GLUD1: variants seen among roughly 807,000 people sequenced by gnomAD.
GLUD1 encodes glutamate dehydrogenase 1, mitochondrial.
Under a neutral mutation model 56.0 loss-of-function variants are expected in GLUD1, and 22 were observed. That is an observed-to-expected ratio of 0.39 (90% CI 0.28 to 0.56). The LOEUF (loss-of-function observed/expected upper bound fraction) is 0.56. Among genes scored for constraint, GLUD1 ranks in the 20% least tolerant of loss-of-function variants. The pLI, the probability that GLUD1 is intolerant of heterozygous loss-of-function variation, is 0.58. For synonymous variants in GLUD1, 223 were observed against 269.9 expected (o/e 0.83, Z 1.70); for missense variants, 451 against 732.0 (o/e 0.62, Z 4.43).
intron 1 of GLUD1, among the ~76,000 whole-genome samples, chr10:87,082,341 A>T (rs1194175115): frequency 6.6e-6 from 1 of 152,208 alleles, no homozygotes; most frequent in Non-Finnish European, 1.5e-5. Flanking sequence ...AACAAAAGAC[A>T]TGTTCCGCTG....
At chr10:87,083,495 GAAGC>G (rs1295147097) in intron 1 of GLUD1, among the ~76,000 whole-genome samples, 4 of 152,178 alleles carry the variant, frequency 2.6e-5, no homozygotes, top group Admixed American at 2.6e-4. Flanking sequence ...AAGCCAAAAT[GAAGC>G]AAGAAGGATC....
At position 87,051,743 on chromosome 10, in the gene GLUD1, T is replaced by C. The variant is rs1202835639; in HGVS notation, c.*8A>G. The C allele has an allele frequency of 2.5e-6, 4 of 1,612,172 alleles. No individual in the cohort carries two copies. The East Asian group carries it at 8.9e-5, about 36-fold the overall frequency. ...AAGAGGATAGTGAGGAAGTCAGCCA[T>C]GATCCATCTATGTGAAGGTCACACC... is the stretch of plus-strand genomic sequence containing the variant. On this transcript the variant is annotated 3_prime_UTR_variant, in exon 13 of 13. Coordinates refer to ENST00000277865, the MANE Select transcript of GLUD1 (RefSeq NM_005271.5).
intron 1 of GLUD1, among the ~76,000 whole-genome samples, chr10:87,091,032 T>G (rs1841499293): frequency 6.6e-6 from 1 of 152,242 alleles, no homozygotes; most frequent in South Asian, 2.1e-4. Context: ...TGTTTCCTTC[T>G]GGCATTTTGA....
rs1029977680 is a variant in GLUD1, at chr10:87,050,245, A to G, written c.*1506T>C. Among the ~76,000 whole-genome samples, 1 of 152,164 alleles carries G rather than the reference A, an allele frequency of 6.6e-6. No homozygotes were observed. Among genetic ancestry groups the G allele is most frequent in the South Asian group, 2.1e-4 (1 of 4,826 alleles). ...ATAAAATACAAAATAATTCGAGAAT[A>G]AAGACTATGCTTTCAGGGATCATTT... On this transcript the variant is annotated 3_prime_UTR_variant, in exon 13 of 13. Transcript: ENST00000277865.
At chr10:87,093,489 T>C (rs1489184394) in intron 1 of GLUD1, among the ~76,000 whole-genome samples, 1 of 152,218 alleles carries the variant, frequency 6.6e-6, no homozygotes, top group Non-Finnish European at 1.5e-5. Flanking sequence ...AACCACAGGA[T>C]AACCCAGTGA....
At chr10:87,072,438 C>G (rs1381906205) in intron 4 of GLUD1, among the ~76,000 whole-genome samples, 1 of 152,186 alleles carries the variant, frequency 6.6e-6, no homozygotes, top group African/African-American at 2.4e-5. Flanking sequence ...CAATCTGACA[C>G]TCTCTGTGGA....
intron 11 of GLUD1, among the ~76,000 whole-genome samples, 181 bp from the exon 12 acceptor site, chr10:87,053,585 T>C (rs1040142264): frequency 2.0e-5 from 3 of 152,212 alleles, no homozygotes; most frequent in Admixed American, 6.5e-5. Context: ...ACTGAAGCAG[T>C]TGCTTGTTGA....
chr10:87,067,970 C>G lies in GLUD1; in HGVS notation c.741+93G>C, dbSNP rs1846121476. 5.3e-6 allele frequency: 4 copies of G among 758,222 alleles called. No homozygotes were observed. In the Admixed American group the frequency reaches 7.8e-5, roughly 15 times the overall value. 47.0% of individuals were successfully genotyped at this position (758,222 alleles called of 1,614,324 possible). On this transcript the variant is annotated intron_variant, in intron 5 of 12. Transcript: ENST00000277865. ...GATTATGATTGAATGAGAGAAAAACCCAGGGATTCTCAACTTTTGATATAA... is the reference window on the plus strand; with the variant it reads ...GATTATGATTGAATGAGAGAAAAACGCAGGGATTCTCAACTTTTGATATAA...
intron 4 of GLUD1, among the ~76,000 whole-genome samples, chr10:87,070,978 A>AT (rs1239270556): frequency 6.6e-6 from 1 of 151,268 alleles, no homozygotes; most frequent in Admixed American, 6.6e-5. Flanking sequence ...AAATACAAAA[A>AT]ATTAGCCGGG....
chr10:87,074,758 G>C (rs1263135631), intron 3 of GLUD1, 144 bp from the exon 4 acceptor site: 6 of 639,974 alleles, frequency 9.4e-6, no homozygotes, highest in Non-Finnish European at 1.7e-5. Context: ...AGTAGGCATT[G>C]CCATTTTAAA....
At chr10:87,059,385 C>T in intron 9 of GLUD1, 112 bp from the exon 10 acceptor site, 1 of 1,018,142 alleles carries the variant, frequency 9.8e-7, no homozygotes, top group South Asian at 1.3e-5. Context: ...TTAAATATCG[C>T]AAATATATTT....
At position 87,061,709 on chromosome 10, in the gene GLUD1, C is replaced by A. The variant is rs111814492; in HGVS notation, c.922-657G>T. Among the ~76,000 whole-genome samples, 450 of 152,032 alleles carry A rather than the reference C, an allele frequency of 3.0e-3. 3 individuals are homozygous for A. The highest frequency in any genetic ancestry group is 0.01 in the African/African-American group (432 of 41,444). ...TTGGCTCACTGCAGCCTCTGCCTCCCGGGTTCAAGTGAGTCTCCTGCCTTA... is the reference window on the plus strand; with the variant it reads ...TTGGCTCACTGCAGCCTCTGCCTCCAGGGTTCAAGTGAGTCTCCTGCCTTA... On this transcript the variant is annotated intron_variant, in intron 6 of 12. Transcript: ENST00000277865.
At chr10:87,058,609 T>C (rs1385553803) in intron 10 of GLUD1, among the ~76,000 whole-genome samples, 1 of 152,156 alleles carries the variant, frequency 6.6e-6, no homozygotes, top group Non-Finnish European at 1.5e-5. Context: ...AAAAATATTA[T>C]TGGCTGGGCA....
intron 1 of GLUD1, among the ~76,000 whole-genome samples, chr10:87,087,016 C>A (rs960723179): frequency 6.6e-6 from 1 of 152,104 alleles, no homozygotes; most frequent in Non-Finnish European, 1.5e-5. Flanking sequence ...GGCTCAGTCG[C>A]ACAAGACTGT....
chr10:87,057,663 A>G, intron 11 of GLUD1, 28 bp downstream of exon 11: 1 of 1,101,460 alleles, frequency 9.1e-7, no homozygotes, highest in Non-Finnish European at 1.4e-6. Flanking sequence ...GCATGTGTGA[A>G]GTACAACTGT....
intron 5 of GLUD1, among the ~76,000 whole-genome samples, chr10:87,063,405 G>T (rs190626037): frequency 6.6e-6 from 1 of 152,268 alleles, no homozygotes; most frequent in Admixed American, 6.5e-5. Context: ...GAAAAAACAA[G>T]AGTGTAGGGA....
Position 87,053,282 on chromosome 10 carries a change from G to A in GLUD1, c.1557+60C>T. Reference sequence around the variant, plus strand: ...CACATACAGTCTGGCGGCTGAGATAGCATGGTTGAGTTGCACTTCATGTGA... The same window carrying A: ...CACATACAGTCTGGCGGCTGAGATAACATGGTTGAGTTGCACTTCATGTGA... On this transcript the variant is annotated intron_variant, in intron 12 of 12. Coordinates refer to ENST00000277865, the MANE Select transcript of GLUD1 (RefSeq NM_005271.5). 3 of 1,068,492 alleles carry A rather than the reference G, an allele frequency of 2.8e-6. No homozygotes were observed. In the South Asian group the frequency reaches 3.8e-5, roughly 13 times the overall value. The allele number at this position is 1,068,492 out of a possible 1,614,324, so 66.2% of individuals were successfully genotyped here.
intron 10 of GLUD1, 109 bp from the exon 11 acceptor site, chr10:87,057,891 CAG>C (rs1004229430): frequency 2.9e-6 from 2 of 688,348 alleles, no homozygotes; most frequent in African/African-American, 3.6e-5. Flanking sequence ...CTTATACAGA[CAG>C]AGTCGTGGTC....
chr10:87,063,511 C>G (rs1334444662), intron 5 of GLUD1, among the ~76,000 whole-genome samples: 1 of 152,158 alleles, frequency 6.6e-6, no homozygotes, highest in Non-Finnish European at 1.5e-5. Context: ...ACTACTAAAT[C>G]AAGGTACATA....
Sources: gnomAD v4.1 joint callset for allele counts (sites outside exome capture counted in the v4.1 genomes callset) on GRCh38, gnomAD v4.1.1 for gene constraint, MANE v1.5 for transcripts, NCBI Gene and HGNC (gene_info 2026-07-23, HGNC 2026-07-21) for gene names.